The following KIFBP variants were observed in gnomAD, a reference collection of about 807,000 sequenced individuals.
KIFBP encodes the protein kinesin family binding protein.
KIFBP carries 46 observed loss-of-function variants against 58.9 expected under a neutral mutation model. That is an observed-to-expected ratio of 0.78 (90% CI 0.62 to 1.00). KIFBP has a LOEUF of 1.00. Among genes scored for constraint, KIFBP ranks in the 50% least tolerant of loss-of-function variants. The pLI is 0.00. For synonymous variants in KIFBP, 241 were observed against 283.4 expected (o/e 0.85, Z 1.50); for missense variants, 651 against 752.9 (o/e 0.86, Z 1.58).
chr10:69,016,515 G>A lies in KIFBP; in HGVS notation c.*99G>A, dbSNP rs1488793390. 1 of 1,231,574 alleles carries A rather than the reference G, an allele frequency of 8.1e-7. No individual in the cohort carries two copies. Among genetic ancestry groups the A allele is most frequent in the Non-Finnish European group, 1.2e-6 (1 of 852,100 alleles). 76.3% of individuals were successfully genotyped at this position (1,231,574 alleles called of 1,614,324 possible). A position where few individuals can be genotyped will look rare whatever the true frequency, so the allele number is the denominator to read the frequency against. On this transcript the variant is annotated 3_prime_UTR_variant, in exon 7 of 7. Coordinates refer to ENST00000361983, the MANE Select transcript of KIFBP (RefSeq NM_015634.4). ...TTGTGATGTTTACCTTTATAGCCAG[G>A]TGAGTGCAGTTTGAACTTGAGATAC...
At position 68,996,627 on chromosome 10, in the gene KIFBP, T is replaced by C. The variant is rs748765504; in HGVS notation, c.427-3797T>C. Reference sequence around the variant, plus strand: ...CAGCACTTTGGGAGGCTGAGGTAGGTGGATTGCCTGAGGTCAGCAGTTCGA... The same window carrying C: ...CAGCACTTTGGGAGGCTGAGGTAGGCGGATTGCCTGAGGTCAGCAGTTCGA... On this transcript the variant is annotated intron_variant, in intron 1 of 6. Transcript: ENST00000361983. Among the ~76,000 whole-genome samples the C allele has an allele frequency of 3.3e-5, 5 of 150,994 alleles. No individual in the cohort carries two copies. In the South Asian group the frequency reaches 1.0e-3, roughly 32 times the overall value.
intron 4 of KIFBP, among the ~76,000 whole-genome samples, chr10:69,008,391 A>AAAAAAAAAAAAAAAT: frequency 7.8e-4 from 56 of 71,578 alleles, no homozygotes; most frequent in African/African-American, 3.3e-3. Context: ...AAAAAAAAAA[A>AAAAAAAAAAAAAAAT]ATATATATAT....
At chr10:68,995,252 T>TG (rs1843392351) in intron 1 of KIFBP, 1 of 152,150 alleles carries the variant, frequency 6.6e-6, no homozygotes. Context: ...TCGCCTGCGT[T>TG]GGCCTCCCAA....
At chr10:69,011,178 G>T in intron 6 of KIFBP, 163 bp downstream of exon 6, 1 of 622,406 alleles carries the variant, frequency 1.6e-6, no homozygotes, top group East Asian at 3.0e-5. Context: ...CGTATTCTTC[G>T]AATTGCTTGA....
intron 1 of KIFBP, among the ~76,000 whole-genome samples, chr10:68,992,314 C>T (rs1423983623): frequency 1.3e-5 from 2 of 152,192 alleles, no homozygotes; most frequent in East Asian, 3.9e-4. Context: ...TTTTGCATGA[C>T]TTTTCATCTT....
Position 69,015,952 on chromosome 10 carries a change from T to C in KIFBP, c.1402T>C (p.Leu468=), listed in dbSNP as rs1838997009. 1 of 1,614,206 alleles carries C rather than the reference T, an allele frequency of 6.2e-7. No individual in the cohort carries two copies. Among genetic ancestry groups the C allele is most frequent in the Non-Finnish European group, 8.5e-7 (1 of 1,180,028 alleles). The change falls in exon 7 of 7, where the codon TTG becomes CTG. Residue 468 remains leucine (L), a synonymous_variant. Transcript: ENST00000361983. ...TVDLNPQYYL[L]VNRQIQFEIA... ...AGACCTGAATCCACAGTATTATCTG[T>C]TGGTCAACAGACAGATCCAGTTTGA...
intron 2 of KIFBP, among the ~76,000 whole-genome samples, chr10:69,003,304 G>A (rs1843492221): frequency 6.6e-6 from 1 of 152,150 alleles, no homozygotes; most frequent in African/African-American, 2.4e-5. Flanking sequence ...CGGAATTGTT[G>A]AAGAGTTCTC....
In KIFBP at chr10:69,008,939, T is replaced by G. The variant is rs1421907638; in HGVS notation, c.874+14T>G. 6.3e-7 allele frequency: 1 copy of G among 1,595,732 alleles called. No homozygotes were observed. Among genetic ancestry groups the G allele is most frequent in the South Asian group, 1.1e-5 (1 of 90,674 alleles). On this transcript the variant is annotated intron_variant, in intron 5 of 6. Coordinates refer to ENST00000361983, the MANE Select transcript of KIFBP (RefSeq NM_015634.4). ...CCACAGAAGACAGTAAGTTTACCTT[T>G]GCATGTTTTACATAGCTTTTAAAAA... is the stretch of plus-strand genomic sequence containing the variant.
Position 68,989,249 on chromosome 10 carries a change from C to T in KIFBP, c.417C>T (p.Ile139=). Reference sequence around the variant, plus strand: ...CGCACGACTGCATCTCTCTCTGCATCCAGGCGCAGGTGAGAGCGAGCCCGG... The same window carrying T: ...CGCACGACTGCATCTCTCTCTGCATTCAGGCGCAGGTGAGAGCGAGCCCGG... The part of the protein sequence containing the change: ...RLSHDCISLC[I]QAQNNLGILW... The change falls in exon 1 of 7, where the codon ATC becomes ATT. Residue 139 remains isoleucine, a synonymous_variant. Coordinates refer to ENST00000361983, the MANE Select transcript of KIFBP (RefSeq NM_015634.4). The T allele has an allele frequency of 6.2e-7, 1 of 1,613,228 alleles. No individual in the cohort carries two copies. Among genetic ancestry groups the T allele is most frequent in the Non-Finnish European group, 8.5e-7 (1 of 1,179,864 alleles).
chr10:69,012,048 G>A (rs949911126), intron 6 of KIFBP, among the ~76,000 whole-genome samples: 3 of 152,018 alleles, frequency 2.0e-5, no homozygotes, highest in Admixed American at 1.3e-4. Context: ...GCATGGACTT[G>A]ATAAAATCTA....
At position 69,008,857 on chromosome 10, in the gene KIFBP, C is replaced by T. The variant is rs1364436073; in HGVS notation, c.806C>T (p.Ala269Val). The T allele has an allele frequency of 6.2e-7, 1 of 1,613,274 alleles. No homozygotes were observed. The change falls in exon 5 of 7, where the codon GCC (alanine) becomes GTC (valine). Residue 269 changes from alanine to valine, a missense_variant. Physicochemically the swap from Ala to Val is moderately conservative, Grantham distance 64 (BLOSUM62 0). Coordinates refer to ENST00000361983, the MANE Select transcript of KIFBP (RefSeq NM_015634.4). ...CCCCAATAGCTATGCTTTATGGAGG[C>T]CAGGCACTGTTTATCAGCTGCTAAT... is the stretch of plus-strand genomic sequence containing the variant. ...FYINKLCFME[A>V]RHCLSAANVI...
intron 2 of KIFBP, among the ~76,000 whole-genome samples, chr10:69,002,496 A>T (rs1305924550): frequency 6.6e-6 from 1 of 152,104 alleles, no homozygotes; most frequent in Admixed American, 6.5e-5. Flanking sequence ...TGAAGTACTA[A>T]CAAGAGCAGA....
intron 2 of KIFBP, among the ~76,000 whole-genome samples, chr10:69,001,773 A>G (rs899595794): frequency 2.0e-5 from 3 of 152,140 alleles, no homozygotes; most frequent in African/African-American, 7.2e-5. Context: ...ATCCATTAAT[A>G]AAGTGCTTTT....
chr10:69,015,502 G>C (rs1838985082), intron 6 of KIFBP, 39 bp from the exon 7 acceptor site: 7 of 1,588,984 alleles, frequency 4.4e-6, no homozygotes, highest in Non-Finnish European at 6.0e-6. Context: ...CAGGAGGTGA[G>C]TGTCCTACTT....
At chr10:69,002,105 G>A (rs1843472997) in intron 2 of KIFBP, among the ~76,000 whole-genome samples, 1 of 151,942 alleles carries the variant, frequency 6.6e-6, no homozygotes, top group African/African-American at 2.4e-5. Flanking sequence ...GTTTGAGGTT[G>A]CAGTGAGCTA....
At position 69,005,807 on chromosome 10, in the gene KIFBP, T is replaced by C. The variant is rs990183475; in HGVS notation, c.681T>C (p.Ala227=). Residue 227 remains alanine, a synonymous_variant, in exon 4 of 7, where the codon GCT becomes GCC. Transcript: ENST00000361983. ...AGCATCTGGAAATGTTTGAGAAGGC[T>C]GCTCACTATTGCCATAGTACACTAA... ...VYQHLEMFEK[A]AHYCHSTLKR... is the part of the protein sequence containing the mutation. 1.9e-6 allele frequency: 3 copies of C among 1,613,852 alleles called. No individual in the cohort carries two copies. The African/African-American group carries it at 4.0e-5, about 22-fold the overall frequency.
At position 69,015,651 on chromosome 10, in the gene KIFBP, C is replaced by T. The variant is rs778939058; in HGVS notation, c.1101C>T (p.Thr367=). The T allele has an allele frequency of 1.8e-5, 29 of 1,613,974 alleles. No homozygotes were observed. The highest frequency in any genetic ancestry group is 4.5e-5 in the East Asian group (2 of 44,892). ...SIRKKAVQFG[T]GELCDAISAV... ...GGAAAAAAGCTGTGCAGTTTGGAAC[C>T]GGTGAACTGTGTGATGCCATCTCTG... The change falls in exon 7 of 7, where the codon ACC becomes ACT. Residue 367 remains threonine, a synonymous_variant. Coordinates refer to ENST00000361983, the MANE Select transcript of KIFBP (RefSeq NM_015634.4).
At chr10:69,000,006 C>T (rs1843447447) in intron 1 of KIFBP, among the ~76,000 whole-genome samples, 2 of 146,032 alleles carry the variant, frequency 1.4e-5, no homozygotes, top group Admixed American at 1.4e-4. Flanking sequence ...GACCATGCCA[C>T]TGCACTCCAT....
intron 1 of KIFBP, among the ~76,000 whole-genome samples, chr10:68,993,008 T>A (rs1843366599): frequency 6.6e-6 from 1 of 152,104 alleles, no homozygotes; most frequent in Non-Finnish European, 1.5e-5. Flanking sequence ...ATTTACTCTC[T>A]TGTTAGTTTT....
Sources: allele counts gnomAD v4.1 joint callset (sites outside exome capture counted in the v4.1 genomes callset), GRCh38; gene constraint gnomAD v4.1.1; transcripts MANE v1.5; gene names NCBI Gene and HGNC (gene_info 2026-07-23, HGNC 2026-07-21).